The following ZNF680 variants were observed in gnomAD, a reference collection of about 807,000 sequenced individuals.
The protein encoded by ZNF680 is hypothetical protein FLJ90430.
ZNF680 carries 6 observed loss-of-function variants against 12.1 expected under a neutral mutation model. That is an observed-to-expected ratio of 0.49 (90% CI 0.27 to 0.98). The LOEUF is 0.98. ZNF680 is among the 50% of genes least tolerant of loss of function. ZNF680 has a pLI of 0.12. For missense variants in ZNF680, 561 were observed against 616.3 expected (o/e 0.91, Z 0.95); for synonymous variants, 170 against 199.3 (o/e 0.85, Z 1.24).
intron 3 of ZNF680, among the ~76,000 whole-genome samples, chr7:64,524,409 C>A (rs1280001005): frequency 6.6e-6 from 1 of 152,050 alleles, no homozygotes; most frequent in Non-Finnish European, 1.5e-5. Flanking sequence ...GGATTATAGG[C>A]ATGAGCCACC....
At chr7:64,508,755 C>T in the ZNF680 span, among the ~76,000 whole-genome samples, 1 of 152,048 alleles carries the variant, frequency 6.6e-6, no homozygotes, top group African/African-American at 2.4e-5. Flanking sequence ...AACTCTAGTC[C>T]CCACTATTGC....
chr7:64,536,977 G>A (rs1349699453), intron 3 of ZNF680, among the ~76,000 whole-genome samples: 1 of 152,090 alleles, frequency 6.6e-6, no homozygotes, highest in African/African-American at 2.4e-5. Context: ...AGCTGAGGTG[G>A]AAGGATCACT....
chr7:64,525,784 C>T (rs1437582133), intron 3 of ZNF680: 1 of 971,880 alleles, frequency 1.0e-6, no homozygotes, highest in African/African-American at 1.8e-5. Flanking sequence ...AATATAGATC[C>T]ATGAATAAAT....
At chr7:64,537,905 G>A (rs906062599) in intron 3 of ZNF680, among the ~76,000 whole-genome samples, 2 of 151,972 alleles carry the variant, frequency 1.3e-5, no homozygotes, top group African/African-American at 2.4e-5. Context: ...ACTCCAGACT[G>A]GGTGACACAG....
chr7:64,526,510 G>A, intron 3 of ZNF680: 4 of 733,412 alleles, frequency 5.5e-6, no homozygotes, highest in Admixed American at 2.9e-5. Context: ...GAGCAACACA[G>A]TAAGACTCTG....
chr7:64,530,582 C>T (rs1785807301), intron 3 of ZNF680, among the ~76,000 whole-genome samples: 1 of 152,030 alleles, frequency 6.6e-6, no homozygotes. Context: ...CATTATAGAA[C>T]AATAAAAGGC....
chr7:64,528,214 C>A (rs1584358386), intron 3 of ZNF680, among the ~76,000 whole-genome samples: 1 of 152,088 alleles, frequency 6.6e-6, no homozygotes, highest in Admixed American at 6.6e-5. Flanking sequence ...TTTTGGAGGG[C>A]AGCCACAGGC....
At chr7:64,512,178 A>C in the ZNF680 span, among the ~76,000 whole-genome samples, 1 of 151,832 alleles carries the variant, frequency 6.6e-6, no homozygotes, top group East Asian at 1.9e-4. Flanking sequence ...GGCTGGGCAC[A>C]GTGGCTCATG....
chr7:64,559,687 G>T (rs1363778898), intron 1 of ZNF680, among the ~76,000 whole-genome samples: 1 of 152,016 alleles, frequency 6.6e-6, no homozygotes. Flanking sequence ...TCACCATGTT[G>T]TCCAGGCTGG....
intron 1 of ZNF680, among the ~76,000 whole-genome samples, chr7:64,548,672 G>A (rs1786904783): frequency 6.6e-6 from 1 of 152,100 alleles, no homozygotes; most frequent in African/African-American, 2.4e-5. Context: ...TGAGACAGAA[G>A]CATAATTAAC....
downstream of ZNF680, chr7:64,519,843 T>C (rs777300716): frequency 5.9e-5 from 9 of 151,822 alleles, no homozygotes; most frequent in Non-Finnish European, 1.2e-4. Flanking sequence ...TTAAAGTTAA[T>C]GGCATAATAA....
At chr7:64,511,736 GTTTT>G in the ZNF680 span, among the ~76,000 whole-genome samples, 4 of 109,730 alleles carry the variant, frequency 3.6e-5, no homozygotes, top group African/African-American at 8.2e-5. Flanking sequence ...TCTCTGTGAA[GTTTT>G]AATTAATAAA....
chr7:64,518,939 A>T (rs1003382397), downstream of ZNF680, among the ~76,000 whole-genome samples: 4 of 152,104 alleles, frequency 2.6e-5, no homozygotes, highest in South Asian at 8.3e-4. Flanking sequence ...TTAGGCAAAG[A>T]CTTCATGAAT....
chr7:64,505,621 C>T, the ZNF680 span, among the ~76,000 whole-genome samples: 2 of 152,130 alleles, frequency 1.3e-5, no homozygotes, highest in African/African-American at 2.4e-5. Flanking sequence ...TCATTCACTA[C>T]GGCTTTCTAA....
chr7:64,554,164 C>A (rs1223742881), intron 1 of ZNF680, among the ~76,000 whole-genome samples: 2 of 151,456 alleles, frequency 1.3e-5, no homozygotes, highest in Non-Finnish European at 2.9e-5. Context: ...GGCCGCCCAT[C>A]GTCTGGGATG....
intron 3 of ZNF680, among the ~76,000 whole-genome samples, chr7:64,538,298 C>T (rs1562756295): frequency 6.6e-6 from 1 of 152,116 alleles, no homozygotes; most frequent in Non-Finnish European, 1.5e-5. Flanking sequence ...AAAATTTCTG[C>T]ATATCAAAGA....
intron 1 of ZNF680, among the ~76,000 whole-genome samples, chr7:64,558,964 GGAAACAAGAGGGAGT>G (rs1405038954): frequency 6.6e-6 from 1 of 151,896 alleles, no homozygotes; most frequent in Non-Finnish European, 1.5e-5. Context: ...GCCGGGTGGG[GGAAACAAGAGGGAGT>G]GTAGGTGATG....
At chr7:64,508,438 T>C in the ZNF680 span, among the ~76,000 whole-genome samples, 3 of 152,118 alleles carry the variant, frequency 2.0e-5, no homozygotes, top group African/African-American at 7.2e-5. Flanking sequence ...GAACTACTGA[T>C]GTGGCCAGCT....
Position 64,525,611 on chromosome 7 carries a change from G to A in ZNF680, c.254-3111C>T, listed in dbSNP as rs78816174. On this transcript the variant is annotated intron_variant, in intron 3 of 3. Transcript: ENST00000309683. ...CAAGATAAAAACATTTTAGGAATAT[G>A]TTGCATAACAATGTCAATATAATAG... 7.6e-3 allele frequency: 2,361 copies of A among 312,562 alleles called. 17 individuals are homozygous for A. Among genetic ancestry groups the A allele is most frequent in the Non-Finnish European group, 0.01 (2,196 of 215,034 alleles). 19.4% of individuals were successfully genotyped at this position (312,562 alleles called of 1,614,324 possible).
Sources: gnomAD v4.1 joint callset for allele counts (sites outside exome capture counted in the v4.1 genomes callset) on GRCh38, gnomAD v4.1.1 for gene constraint, MANE v1.5 for transcripts, NCBI Gene and HGNC (gene_info 2026-07-23, HGNC 2026-07-21) for gene names.